DLGAP2: variants seen among roughly 807,000 people sequenced by gnomAD.
DLGAP2 encodes the protein disks large-associated protein 2.
Under a neutral mutation model 100.3 loss-of-function variants are expected in DLGAP2, and 26 were observed. That is an observed-to-expected ratio of 0.26 (90% CI 0.19 to 0.36). The LOEUF is 0.36. Among genes scored for constraint, DLGAP2 ranks in the 10% least tolerant of loss-of-function variants. The probability of loss-of-function intolerance (pLI) is 1.00; values close to 1 mark genes in which losing one functional copy is unlikely to be tolerated. For synonymous variants in DLGAP2, 886 were observed against 630.1 expected (o/e 1.41, Z -6.08); for missense variants, 1,858 against 1,453.2 (o/e 1.28, Z -4.53).
At chr8:1,455,787 G>A (rs955804189) in intron 3 of DLGAP2, among the ~76,000 whole-genome samples, 3 of 152,222 alleles carry the variant, frequency 2.0e-5, no homozygotes, top group African/African-American at 7.2e-5. Context: ...CACTGAGTGA[G>A]TGTGCGGAAG....
intron 5 of DLGAP2, among the ~76,000 whole-genome samples, chr8:1,551,074 G>A (rs1801749502): frequency 6.6e-6 from 1 of 152,212 alleles, no homozygotes; most frequent in Admixed American, 6.5e-5. Context: ...CAGGTCCAGC[G>A]TCCACATCTC....
intron 2 of DLGAP2, among the ~76,000 whole-genome samples, chr8:971,205 C>T (rs564629726): frequency 6.6e-6 from 1 of 152,292 alleles, no homozygotes; most frequent in Non-Finnish European, 1.5e-5. Context: ...ATATCAAATA[C>T]CTGTATGTAT....
At chr8:1,314,178 G>C (rs1800675204) in intron 3 of DLGAP2, among the ~76,000 whole-genome samples, 1 of 152,100 alleles carries the variant, frequency 6.6e-6, no homozygotes, top group African/African-American at 2.4e-5. Context: ...AGAAACACAC[G>C]TTTATTTGCT....
At chr8:1,232,446 G>C (rs1798556321) in intron 2 of DLGAP2, among the ~76,000 whole-genome samples, 1 of 152,226 alleles carries the variant, frequency 6.6e-6, no homozygotes, top group African/African-American at 2.4e-5. Context: ...GACTACCAGG[G>C]TCAGGTGCAG....
chr8:1,620,939 C>T (rs963885135), intron 6 of DLGAP2, among the ~76,000 whole-genome samples: 1 of 152,220 alleles, frequency 6.6e-6, no homozygotes, highest in African/African-American at 2.4e-5. Flanking sequence ...GCCTTTCCCC[C>T]TTTACCCTCT....
intron 2 of DLGAP2, among the ~76,000 whole-genome samples, chr8:1,068,518 C>A (rs936036293): frequency 1.4e-4 from 22 of 152,122 alleles, no homozygotes; most frequent in Non-Finnish European, 1.2e-4. Flanking sequence ...TCTGAGGCTT[C>A]CCCGGTGGGG....
At chr8:935,070 C>T (rs994911998) in intron 2 of DLGAP2, among the ~76,000 whole-genome samples, 13 of 152,334 alleles carry the variant, frequency 8.5e-5, no homozygotes, top group South Asian at 6.2e-4. Context: ...CCGTGTACCG[C>T]GAGCTGTGTA....
chr8:883,121 T>G (rs921413791), intron 1 of DLGAP2: 5 of 152,604 alleles, frequency 3.3e-5, no homozygotes, highest in African/African-American at 1.2e-4. Context: ...GTTGCTGGAA[T>G]GGAGTGGATT....
chr8:1,364,508 G>GGA (rs1554452288), intron 3 of DLGAP2, among the ~76,000 whole-genome samples: 1 of 149,858 alleles, frequency 6.7e-6, no homozygotes, highest in Non-Finnish European at 1.5e-5. Flanking sequence ...AGGGCGGGGG[G>GGA]GGTGCAGCGA....
intron 4 of DLGAP2, among the ~76,000 whole-genome samples, chr8:1,507,490 A>G (rs1012348597): frequency 7.2e-4 from 110 of 152,100 alleles, no homozygotes; most frequent in Non-Finnish European, 1.5e-4. Context: ...GCGCTGGCCC[A>G]TGAGCCCACA....
chr8:1,361,855 A>C (rs965816992), intron 3 of DLGAP2, among the ~76,000 whole-genome samples: 1 of 152,182 alleles, frequency 6.6e-6, no homozygotes, highest in Non-Finnish European at 1.5e-5. Context: ...TGCAGGCCTG[A>C]GCCCGGCTCC....
intron 5 of DLGAP2, among the ~76,000 whole-genome samples, chr8:1,555,188 C>G (rs1021731079): frequency 2.0e-5 from 3 of 152,306 alleles, no homozygotes; most frequent in Middle Eastern, 3.4e-3. Flanking sequence ...TTAAGCCACT[C>G]TGGACACAGA....
intron 2 of DLGAP2, among the ~76,000 whole-genome samples, chr8:1,062,348 G>A (rs989488556): frequency 6.6e-6 from 1 of 152,176 alleles, no homozygotes; most frequent in Non-Finnish European, 1.5e-5. Flanking sequence ...CTGGAGCCTC[G>A]GAGGCACACT....
At chr8:949,709 C>T (rs1012653671) in intron 2 of DLGAP2, among the ~76,000 whole-genome samples, 2 of 152,180 alleles carry the variant, frequency 1.3e-5, no homozygotes, top group African/African-American at 4.8e-5. Context: ...CGGTTGTCCT[C>T]AGGTCAGTTC....
chr8:1,227,628 G>C (rs555452406), intron 2 of DLGAP2, among the ~76,000 whole-genome samples: 10 of 151,956 alleles, frequency 6.6e-5, no homozygotes, highest in African/African-American at 2.4e-4. Context: ...GTGACAATGC[G>C]GATGGACCTG....
intron 8 of DLGAP2, among the ~76,000 whole-genome samples, chr8:1,647,998 C>T (rs770656733): frequency 2.0e-5 from 3 of 152,192 alleles, no homozygotes; most frequent in Non-Finnish European, 2.9e-5. Context: ...CGGTCACAGA[C>T]GTCGGTCATC....
chr8:1,218,951 C>T (rs1382410229), intron 2 of DLGAP2, among the ~76,000 whole-genome samples: 1 of 152,022 alleles, frequency 6.6e-6, no homozygotes, highest in African/African-American at 2.4e-5. Flanking sequence ...AATAGAAATG[C>T]TATTAATTTT....
At chr8:1,424,353 T>A (rs1797182238) in intron 3 of DLGAP2, among the ~76,000 whole-genome samples, 1 of 152,224 alleles carries the variant, frequency 6.6e-6, no homozygotes, top group Non-Finnish European at 1.5e-5. Flanking sequence ...CCAAGCCCCT[T>A]GTTACACATT....
intron 2 of DLGAP2, among the ~76,000 whole-genome samples, chr8:1,098,998 G>C (rs1295707816): frequency 6.6e-6 from 1 of 152,202 alleles, no homozygotes; most frequent in Non-Finnish European, 1.5e-5. Flanking sequence ...TGTTCGTTTG[G>C]AAAAGGGTAC....
Sources: allele counts gnomAD v4.1 joint callset (sites outside exome capture counted in the v4.1 genomes callset), GRCh38; gene constraint gnomAD v4.1.1; transcripts MANE v1.5; gene names NCBI Gene and HGNC (gene_info 2026-07-23, HGNC 2026-07-21).